Variants in AGBL4 observed in about 807,000 individuals in gnomAD.
The protein encoded by AGBL4 is AGBL carboxypeptidase 4.
A neutral mutation model predicts 66.4 loss-of-function variants in AGBL4; 58 were observed. That is an observed-to-expected ratio of 0.87 (90% CI 0.71 to 1.09). The LOEUF is 1.09. Ranked by LOEUF, AGBL4 falls within the 50% of genes least tolerant of loss-of-function variation. The probability of loss-of-function intolerance (pLI) is 0.00; values close to 1 mark genes in which losing one functional copy is unlikely to be tolerated. For missense variants in AGBL4, 579 were observed against 631.0 expected, an observed-to-expected ratio of 0.92 and a Z score of 0.88; for synonymous variants, 234 against 222.9, an observed-to-expected ratio of 1.05 and a Z score of -0.44.
chr1:49,053,298 C>T (rs1335345330), intron 4 of AGBL4, among the ~76,000 whole-genome samples: 5 of 152,136 alleles, frequency 3.3e-5, no homozygotes, highest in Admixed American at 2.0e-4. Context: ...CTCTTCTTGA[C>T]CTTTTGCAGA....
chr1:48,984,046 T>C (rs565131661), intron 5 of AGBL4, among the ~76,000 whole-genome samples: 1 of 152,240 alleles, frequency 6.6e-6, no homozygotes, highest in East Asian at 1.9e-4. Flanking sequence ...CTCTTGTAGC[T>C]GAGGCAAGAC....
At chr1:49,903,188 T>G (rs1649942729) in intron 1 of AGBL4, among the ~76,000 whole-genome samples, 1 of 152,166 alleles carries the variant, frequency 6.6e-6, no homozygotes, top group African/African-American at 2.4e-5. Flanking sequence ...ATTATATCCT[T>G]TGCAACAACA....
intron 5 of AGBL4, among the ~76,000 whole-genome samples, chr1:49,029,170 T>TCTTGC (rs1167637163): frequency 6.6e-6 from 1 of 152,184 alleles, no homozygotes; most frequent in African/African-American, 2.4e-5. Flanking sequence ...AGAAGTCTGC[T>TCTTGC]CTTGCCACTT....
At chr1:49,686,601 C>T (rs1207147587) in intron 3 of AGBL4, among the ~76,000 whole-genome samples, 2 of 152,188 alleles carry the variant, frequency 1.3e-5, no homozygotes, top group African/African-American at 4.8e-5. Flanking sequence ...TATCTATTGT[C>T]TTTATTCACA....
At chr1:49,550,789 T>A (rs1480134816) in intron 3 of AGBL4, among the ~76,000 whole-genome samples, 1 of 152,182 alleles carries the variant, frequency 6.6e-6, no homozygotes, top group Non-Finnish European at 1.5e-5. Context: ...TAGGCGATGA[T>A]CTTTTTGTGA....
chr1:49,694,546 A>G (rs1197745449), intron 3 of AGBL4, among the ~76,000 whole-genome samples: 1 of 152,144 alleles, frequency 6.6e-6, no homozygotes, highest in Non-Finnish European at 1.5e-5. Context: ...ATGCAGACAG[A>G]ACCCAGAGAC....
intron 1 of AGBL4, among the ~76,000 whole-genome samples, chr1:49,911,330 A>T (rs189479683): frequency 2.6e-5 from 4 of 152,324 alleles, no homozygotes; most frequent in African/African-American, 4.8e-5. Context: ...ATCTTGTGAG[A>T]AGCACACTGA....
intron 6 of AGBL4, among the ~76,000 whole-genome samples, chr1:48,705,330 G>T (rs1374129531): frequency 6.6e-6 from 1 of 152,172 alleles, no homozygotes; most frequent in Non-Finnish European, 1.5e-5. Context: ...ATGGTAAACA[G>T]TCTGAATTAT....
At chr1:48,660,412 T>A (rs565585123) in intron 7 of AGBL4, among the ~76,000 whole-genome samples, 1 of 152,262 alleles carries the variant, frequency 6.6e-6, no homozygotes, top group African/African-American at 2.4e-5. Flanking sequence ...GAACTGAAGG[T>A]ATGTCAGCAT....
chr1:48,601,509 G>A (rs1645072694), intron 9 of AGBL4, among the ~76,000 whole-genome samples: 1 of 152,186 alleles, frequency 6.6e-6, no homozygotes, highest in South Asian at 2.1e-4. Flanking sequence ...GTGAAGAAGT[G>A]CGAGTACTAT....
chr1:48,870,530 A>G (rs922882282), intron 5 of AGBL4, among the ~76,000 whole-genome samples: 7 of 152,134 alleles, frequency 4.6e-5, no homozygotes, highest in African/African-American at 1.7e-4. Flanking sequence ...TGGAGAGTAA[A>G]CATGCTCTTT....
intron 6 of AGBL4, among the ~76,000 whole-genome samples, chr1:48,664,499 G>A (rs1269031846): frequency 6.6e-6 from 1 of 152,174 alleles, no homozygotes; most frequent in Non-Finnish European, 1.5e-5. Context: ...TTTAAAACAA[G>A]TCTCAAAAGG....
chr1:49,794,119 T>A (rs529030161), intron 2 of AGBL4, among the ~76,000 whole-genome samples: 1 of 151,768 alleles, frequency 6.6e-6, no homozygotes, highest in South Asian at 2.1e-4. Flanking sequence ...ATCAAAAGAG[T>A]GAAAACAACA....
Position 49,609,779 on chromosome 1 carries a change from T to C in AGBL4, c.282+87534A>G, listed in dbSNP as rs183204672. Among the ~76,000 whole-genome samples the C allele has an allele frequency of 6.9e-4, 105 of 152,288 alleles. 1 individual carries two copies. Among genetic ancestry groups the C allele is most frequent in the African/African-American group, 2.4e-3 (99 of 41,558 alleles). On this transcript the variant is annotated intron_variant, in intron 3 of 13. Coordinates refer to ENST00000371839, the MANE Select transcript of AGBL4 (RefSeq NM_032785.4). ...TCAAGTAGGCCCTGGTGTCTATTGTTTGCTTTGTGTCCATATGTATTTGAT... is the reference window on the plus strand; with the variant it reads ...TCAAGTAGGCCCTGGTGTCTATTGTCTGCTTTGTGTCCATATGTATTTGAT...
chr1:49,026,079 T>G (rs1013416105), intron 5 of AGBL4, among the ~76,000 whole-genome samples: 3 of 152,172 alleles, frequency 2.0e-5, no homozygotes, highest in Non-Finnish European at 4.4e-5. Flanking sequence ...AAGATCTGGC[T>G]TGGGATGGTT....
intron 3 of AGBL4, among the ~76,000 whole-genome samples, chr1:49,462,686 T>C (rs1005173339): frequency 6.6e-6 from 1 of 151,752 alleles, no homozygotes; most frequent in African/African-American, 2.4e-5. Flanking sequence ...GTTGAAGTCA[T>C]GGGCTTTGGC....
chr1:49,962,315 G>T (rs1380124840), intron 1 of AGBL4, among the ~76,000 whole-genome samples: 1 of 152,078 alleles, frequency 6.6e-6, no homozygotes, highest in Non-Finnish European at 1.5e-5. Flanking sequence ...TTTTCATGAT[G>T]TCTTGTAAAA....
At chr1:49,523,959 T>C (rs879311810) in intron 3 of AGBL4, among the ~76,000 whole-genome samples, 1 of 142,218 alleles carries the variant, frequency 7.0e-6, no homozygotes. Flanking sequence ...ATTATCACCA[T>C]CATCATCATC....
intron 4 of AGBL4, among the ~76,000 whole-genome samples, chr1:49,130,156 G>A (rs1645859681): frequency 6.6e-6 from 1 of 152,000 alleles, no homozygotes; most frequent in Non-Finnish European, 1.5e-5. Context: ...CTTTTTGATG[G>A]GGTTGTTTGT....
Sources: gnomAD v4.1 joint callset for allele counts (sites outside exome capture counted in the v4.1 genomes callset) on GRCh38, gnomAD v4.1.1 for gene constraint, MANE v1.5 for transcripts, NCBI Gene and HGNC (gene_info 2026-07-23, HGNC 2026-07-21) for gene names.